Variants in ANAPC10 observed in about 807,000 individuals in gnomAD.
ANAPC10 encodes the protein anaphase promoting complex subunit 10, also known as anaphase-promoting complex subunit 10.
In ANAPC10, 12 loss-of-function variants were observed where a neutral mutation model predicts 22.0. The observed-to-expected ratio is 0.55, with a 90% confidence interval of 0.35 to 0.88. ANAPC10 has a LOEUF of 0.88. Among genes scored for constraint, ANAPC10 ranks in the 40% least tolerant of loss-of-function variants. ANAPC10 has a pLI of 0.01. For missense variants in ANAPC10, 188 were observed against 220.9 expected, an observed-to-expected ratio of 0.85 and a Z score of 0.94; for synonymous variants, 65 against 69.5, an observed-to-expected ratio of 0.94 and a Z score of 0.32.
intron 4 of ANAPC10, among the ~76,000 whole-genome samples, chr4:145,053,246 A>G (rs1449129876): frequency 6.6e-6 from 1 of 152,242 alleles, no homozygotes; most frequent in Non-Finnish European, 1.5e-5. Context: ...AAACATGTTA[A>G]TTTGGAACAA....
chr4:145,062,160 G>C (rs567826140), intron 4 of ANAPC10, among the ~76,000 whole-genome samples: 177 of 152,166 alleles, frequency 1.2e-3, no homozygotes, highest in African/African-American at 3.9e-3. Flanking sequence ...ACTAAGAGCT[G>C]ATTTATTTAT....
In ANAPC10 at chr4:145,039,811, G is replaced by C. The variant is rs148396341; in HGVS notation, c.327+24761C>G. On this transcript the variant is annotated intron_variant, in intron 4 of 4. Transcript: ENST00000507656. ...TGGTTTCACCATGTTGGCCAGGATGGTCTCGATCTCTTGACCTTGTGATCT... is the reference window on the plus strand; with the variant it reads ...TGGTTTCACCATGTTGGCCAGGATGCTCTCGATCTCTTGACCTTGTGATCT... 4.2e-3 allele frequency among the ~76,000 whole-genome samples: 646 copies of C among 152,134 alleles called. 3 individuals are homozygous for C. The highest frequency in any genetic ancestry group is 0.014 in the African/African-American group (592 of 41,504).
intron 3 of ANAPC10, among the ~76,000 whole-genome samples, chr4:145,080,292 G>A (rs998680256): frequency 4.6e-5 from 7 of 152,084 alleles, no homozygotes; most frequent in African/African-American, 9.6e-5. Context: ...AAAACCCAGC[G>A]AAAGGCAACT....
chr4:145,081,530 A>G (rs1036928772), intron 3 of ANAPC10, 130 bp downstream of exon 3: 4 of 573,764 alleles, frequency 7.0e-6, no homozygotes, highest in Non-Finnish European at 9.0e-6. Context: ...AAAATAATCT[A>G]TAAGACTTCA....
intron 4 of ANAPC10, among the ~76,000 whole-genome samples, chr4:145,025,507 A>G (rs1315990359): frequency 1.3e-5 from 2 of 152,032 alleles, no homozygotes; most frequent in African/African-American, 4.8e-5. Context: ...GGGAGATGGG[A>G]AACGGCTGGT....
In ANAPC10 at chr4:145,097,534, T is replaced by G. The variant is rs1256733282; in HGVS notation, c.-13+586A>C. 5.4e-6 allele frequency: 7 copies of G among 1,287,108 alleles called. No homozygotes were observed. In the Admixed American group the frequency reaches 1.6e-4, roughly 30 times the overall value. The allele number at this position is 1,287,108 out of a possible 1,614,324, so 79.7% of individuals were successfully genotyped here. ...CTCCCATTGTATCCGAAGTTGTTCT[T>G]TAATCGGCACACAAGCACTTGATAC... On this transcript the variant is annotated intron_variant, in intron 1 of 4. Coordinates refer to ENST00000507656, the MANE Select transcript of ANAPC10 (RefSeq NM_001256706.2).
intron 4 of ANAPC10, among the ~76,000 whole-genome samples, chr4:145,012,715 T>C (rs534882555): frequency 1.1e-4 from 16 of 152,200 alleles, no homozygotes; most frequent in Non-Finnish European, 1.8e-4. Flanking sequence ...TCAGTTGGAC[T>C]GGCTTCTTCT....
intron 4 of ANAPC10, among the ~76,000 whole-genome samples, chr4:145,031,773 G>A (rs1737623022): frequency 6.6e-6 from 1 of 152,192 alleles, no homozygotes; most frequent in Admixed American, 6.5e-5. Flanking sequence ...TCACAGCAAG[G>A]GCCTGCCATC....
intron 4 of ANAPC10, among the ~76,000 whole-genome samples, chr4:145,020,461 C>T (rs1238331810): frequency 6.6e-6 from 1 of 152,070 alleles, no homozygotes; most frequent in Non-Finnish European, 1.5e-5. Flanking sequence ...ATGACAAACC[C>T]ACAGCAAATA....
intron 3 of ANAPC10, among the ~76,000 whole-genome samples, chr4:145,081,222 T>C (rs900810778): frequency 6.8e-6 from 1 of 146,454 alleles, no homozygotes; most frequent in African/African-American, 2.5e-5. Flanking sequence ...TTAAAGGTTC[T>C]AAGTAAAAAA....
At chr4:145,079,388 G>A (rs1745629521) in intron 3 of ANAPC10, among the ~76,000 whole-genome samples, 1 of 152,294 alleles carries the variant, frequency 6.6e-6, no homozygotes, top group Non-Finnish European at 1.5e-5. Flanking sequence ...ACAGATGCTG[G>A]TGAAGTTGTG....
At chr4:145,063,549 T>TCC (rs1743219263) in intron 4 of ANAPC10, among the ~76,000 whole-genome samples, 2 of 152,130 alleles carry the variant, frequency 1.3e-5, no homozygotes, top group African/African-American at 4.8e-5. Flanking sequence ...TGGAGGCCTT[T>TCC]CAAAGATCAC....
At chr4:145,059,774 C>T (rs1742611442) in intron 4 of ANAPC10, among the ~76,000 whole-genome samples, 1 of 151,982 alleles carries the variant, frequency 6.6e-6, no homozygotes, top group Non-Finnish European at 1.5e-5. Flanking sequence ...CCTTGAATTT[C>T]AGCTAGAGAT....
intron 4 of ANAPC10, among the ~76,000 whole-genome samples, chr4:145,042,489 T>C (rs974735956): frequency 6.6e-6 from 1 of 152,182 alleles, no homozygotes; most frequent in Admixed American, 6.5e-5. Flanking sequence ...TCTTCACATA[T>C]ATCTTCAACA....
chr4:145,085,378 C>T (rs903406957), intron 2 of ANAPC10, among the ~76,000 whole-genome samples: 1 of 151,904 alleles, frequency 6.6e-6, no homozygotes, highest in Non-Finnish European at 1.5e-5. Context: ...AACTAAATCA[C>T]GATTCTTCCG....
At chr4:145,090,074 T>G (rs1009951387) in intron 2 of ANAPC10, among the ~76,000 whole-genome samples, 7 of 152,166 alleles carry the variant, frequency 4.6e-5, no homozygotes, top group African/African-American at 1.2e-4. Flanking sequence ...CTAAGCCATG[T>G]TTTGTTTAAG....
chr4:145,015,939 C>T (rs571244951), intron 4 of ANAPC10, among the ~76,000 whole-genome samples: 1 of 152,188 alleles, frequency 6.6e-6, no homozygotes, highest in Non-Finnish European at 1.5e-5. Flanking sequence ...GAAAGGAGCT[C>T]GAAACCTTAA....
chr4:145,014,884 G>A lies in ANAPC10; in HGVS notation c.328-19281C>T, dbSNP rs543126035. ...CAGGAAGCCACATCCATAGGAAAACGGGGAGAGTGCTACATCAAGGGAACA... is the reference window on the plus strand; with the variant it reads ...CAGGAAGCCACATCCATAGGAAAACAGGGAGAGTGCTACATCAAGGGAACA... On this transcript the variant is annotated intron_variant, in intron 4 of 4. Transcript: ENST00000507656. Among the ~76,000 whole-genome samples the A allele has an allele frequency of 7.9e-5, 12 of 152,244 alleles. No homozygotes were observed. The South Asian group carries it at 1.5e-3, about 18-fold the overall frequency.
chr4:145,097,012 A>C (rs1579195305), intron 1 of ANAPC10, among the ~76,000 whole-genome samples: 1 of 151,922 alleles, frequency 6.6e-6, no homozygotes, highest in Non-Finnish European at 1.5e-5. Context: ...GGAGTTCGAG[A>C]CCAGCCTGGA....
Sources: gnomAD v4.1 joint callset for allele counts (sites outside exome capture counted in the v4.1 genomes callset) on GRCh38, gnomAD v4.1.1 for gene constraint, MANE v1.5 for transcripts, NCBI Gene and HGNC (gene_info 2026-07-23, HGNC 2026-07-21) for gene names.